The following UST variants were observed in gnomAD, a reference collection of about 807,000 sequenced individuals.
UST encodes the protein uronyl 2-sulfotransferase, also known as chondroitin sulfate 2-O-sulfotransferase.
Under a neutral mutation model 45.6 loss-of-function variants are expected in UST, and 21 were observed. The ratio of observed to expected loss-of-function variants is 0.46; its 90% confidence interval spans 0.33 to 0.66. The LOEUF (loss-of-function observed/expected upper bound fraction) is 0.66, where lower values mean the gene tolerates loss of function less well. Among genes scored for constraint, UST ranks in the 30% least tolerant of loss-of-function variants. The pLI is 0.02. For missense variants in UST, 463 were observed against 512.4 expected, an observed-to-expected ratio of 0.90 and a Z score of 0.93; for synonymous variants, 215 against 200.6, an observed-to-expected ratio of 1.07 and a Z score of -0.61.
In UST at chr6:148,790,679, G is replaced by T. The variant is rs533825036; in HGVS notation, c.247+43002G>T. On this transcript the variant is annotated intron_variant, in intron 1 of 7. Transcript: ENST00000367463. The surrounding 1 kb of genome is among the most constrained non-coding windows in gnomAD (Gnocchi z 4.2). ...CAGCCTGGAAGGAGTGCTGTGCCCCGTGTGGAAGGAAACCTCCTCGCCCAA... is the reference window on the plus strand; with the variant it reads ...CAGCCTGGAAGGAGTGCTGTGCCCCTTGTGGAAGGAAACCTCCTCGCCCAA... Among the ~76,000 whole-genome samples the T allele has an allele frequency of 2.9e-4, 44 of 152,250 alleles. No homozygotes were observed. Among genetic ancestry groups the T allele is most frequent in the Non-Finnish European group, 5.1e-4 (35 of 68,006 alleles).
intron 1 of UST, among the ~76,000 whole-genome samples, chr6:148,830,953 T>C (rs1777673063): frequency 6.6e-6 from 1 of 151,994 alleles, no homozygotes; most frequent in African/African-American, 2.4e-5. Flanking sequence ...GTAAATTATA[T>C]ATGTATTTTG....
At chr6:148,893,645 G>C (rs1287419138) in intron 2 of UST, among the ~76,000 whole-genome samples, 1 of 152,162 alleles carries the variant, frequency 6.6e-6, no homozygotes, top group East Asian at 1.9e-4. Context: ...GAGGCTGTCA[G>C]GCCACAGAAT....
intron 5 of UST, among the ~76,000 whole-genome samples, chr6:149,017,569 C>T (rs1388071162): frequency 6.6e-6 from 1 of 151,766 alleles, no homozygotes; most frequent in Non-Finnish European, 1.5e-5. Flanking sequence ...TTATATTGTC[C>T]TACATGTTTA....
At chr6:148,913,839 T>G (rs556063014) in intron 2 of UST, among the ~76,000 whole-genome samples, 8 of 152,332 alleles carry the variant, frequency 5.3e-5, no homozygotes, top group African/African-American at 1.9e-4. Context: ...ACAGTTTAAA[T>G]GTACAAAAAT....
chr6:148,996,274 A>G (rs908232006), intron 5 of UST, among the ~76,000 whole-genome samples: 1 of 152,212 alleles, frequency 6.6e-6, no homozygotes, highest in Non-Finnish European at 1.5e-5. Context: ...GCTGGAGTGC[A>G]GTGGCATGAT....
chr6:148,933,979 A>G (rs572428655), intron 2 of UST, among the ~76,000 whole-genome samples: 1 of 152,386 alleles, frequency 6.6e-6, no homozygotes, highest in East Asian at 1.9e-4. Flanking sequence ...TTTAATGAAT[A>G]TATTCCACAA....
chr6:149,037,837 G>A (rs1296764287), intron 7 of UST, among the ~76,000 whole-genome samples: 1 of 152,226 alleles, frequency 6.6e-6, no homozygotes, highest in Non-Finnish European at 1.5e-5. Flanking sequence ...AAAACAATCC[G>A]AGGTTATTGG....
intron 1 of UST, among the ~76,000 whole-genome samples, chr6:148,759,419 A>T (rs1285702881): frequency 6.6e-6 from 1 of 151,260 alleles, no homozygotes; most frequent in Non-Finnish European, 1.5e-5. Context: ...CCCAGCTACT[A>T]GGGAGGCTGA....
At chr6:148,820,036 C>T (rs774395541) in intron 1 of UST, among the ~76,000 whole-genome samples, 10 of 152,176 alleles carry the variant, frequency 6.6e-5, no homozygotes, top group Non-Finnish European at 1.2e-4. Flanking sequence ...TTGTTCACAT[C>T]GTATTATCTG....
chr6:148,884,744 G>A (rs1778883172), intron 1 of UST, among the ~76,000 whole-genome samples: 1 of 152,148 alleles, frequency 6.6e-6, no homozygotes, highest in South Asian at 2.1e-4. Context: ...GAGTAGGAGA[G>A]GAAATTGGTG....
chr6:148,904,428 C>A (rs1303090366), intron 2 of UST, among the ~76,000 whole-genome samples: 1 of 152,032 alleles, frequency 6.6e-6, no homozygotes, highest in East Asian at 1.9e-4. Flanking sequence ...CCAGTAAGAT[C>A]ATTCTTATTT....
chr6:148,866,397 A>C (rs1399367196), intron 1 of UST, among the ~76,000 whole-genome samples: 1 of 152,136 alleles, frequency 6.6e-6, no homozygotes, highest in African/African-American at 2.4e-5. Context: ...GGCTCTTCCA[A>C]ATCTGTGCTG....
At chr6:148,832,967 G>A (rs1582840294) in intron 1 of UST, among the ~76,000 whole-genome samples, 1 of 152,104 alleles carries the variant, frequency 6.6e-6, no homozygotes, top group East Asian at 1.9e-4. Flanking sequence ...ATGAGAAAAA[G>A]CCTTCATCTC....
intron 1 of UST, among the ~76,000 whole-genome samples, chr6:148,784,468 T>C (rs1776701757): frequency 6.6e-6 from 1 of 152,158 alleles, no homozygotes; most frequent in Admixed American, 6.6e-5. Flanking sequence ...CACCAGTGAG[T>C]GAGCTGTGTA....
At chr6:148,937,418 A>G (rs1335104784) in intron 2 of UST, among the ~76,000 whole-genome samples, 2 of 152,244 alleles carry the variant, frequency 1.3e-5, no homozygotes, top group Non-Finnish European at 2.9e-5. Context: ...TAAATAACAA[A>G]CTTTCAAACT....
intron 1 of UST, among the ~76,000 whole-genome samples, chr6:148,763,253 A>G (rs1776254560): frequency 6.6e-6 from 1 of 152,196 alleles, no homozygotes; most frequent in South Asian, 2.1e-4. Flanking sequence ...TCTGATAATT[A>G]GTGATACTGA....
At chr6:148,969,488 A>T (rs753511739) in intron 5 of UST, among the ~76,000 whole-genome samples, 46 of 152,268 alleles carry the variant, frequency 3.0e-4, no homozygotes, top group Admixed American at 5.9e-4. Context: ...TGCTTGTCTC[A>T]TCTGTACAAT....
At chr6:148,859,187 A>G (rs986599760) in intron 1 of UST, among the ~76,000 whole-genome samples, 30 of 151,336 alleles carry the variant, frequency 2.0e-4, no homozygotes, top group African/African-American at 6.5e-4. Context: ...TACCATTCTA[A>G]CTGGTGTGAG....
chr6:148,852,557 T>G (rs1477165067), intron 1 of UST, among the ~76,000 whole-genome samples: 1 of 152,198 alleles, frequency 6.6e-6, no homozygotes, highest in African/African-American at 2.4e-5. Context: ...TCCATTTGTA[T>G]GGAGAAATAT....
Sources: allele counts gnomAD v4.1 joint callset (sites outside exome capture counted in the v4.1 genomes callset), GRCh38; gene constraint gnomAD v4.1.1; non-coding constraint Gnocchi (gnomAD v3.1); transcripts MANE v1.5; gene names NCBI Gene and HGNC (gene_info 2026-07-23, HGNC 2026-07-21).